PALM2AKAP2: variants seen among roughly 807,000 people sequenced by gnomAD.
PALM2AKAP2 encodes PALM2-AKAP2 fusion protein.
PALM2AKAP2 carries 37 observed loss-of-function variants against 71.5 expected under a neutral mutation model. The ratio of observed to expected loss-of-function variants is 0.52; its 90% confidence interval spans 0.40 to 0.68. The LOEUF is 0.68. Ranked by LOEUF, PALM2AKAP2 falls within the 30% of genes least tolerant of loss-of-function variation. PALM2AKAP2 has a pLI of 0.00. For synonymous variants in PALM2AKAP2, 468 were observed against 478.8 expected (o/e 0.98, Z 0.29); for missense variants, 1,224 against 1,191.8 (o/e 1.03, Z -0.40).
chr9:110,084,933 G>C (rs774845115), intron 1 of PALM2AKAP2, among the ~76,000 whole-genome samples: 2 of 152,042 alleles, frequency 1.3e-5, no homozygotes, highest in South Asian at 4.2e-4. Context: ...GTAGAGATGG[G>C]ATTTCACTGT....
chr9:109,906,033 C>A (rs1564204006), intron 3 of PALM2AKAP2, among the ~76,000 whole-genome samples: 1 of 147,360 alleles, frequency 6.8e-6, no homozygotes, highest in African/African-American at 2.5e-5. Flanking sequence ...GCATTTCCTT[C>A]TTTTCCTCAA....
chr9:109,770,211 A>AC (rs35037796), intron 1 of PALM2AKAP2, among the ~76,000 whole-genome samples: 46,613 of 151,858 alleles, frequency 0.31, 8,990 homozygotes, highest in African/African-American at 0.53. Context: ...TTGAAGATAA[A>AC]CCACTTTCTC....
chr9:110,033,093 T>C (rs1833316927), intron 7 of PALM2AKAP2, among the ~76,000 whole-genome samples: 1 of 152,212 alleles, frequency 6.6e-6, no homozygotes, highest in South Asian at 2.1e-4. Flanking sequence ...TAGACAAACA[T>C]TCATCCACTA....
At chr9:110,102,220 T>C (rs1835015926) in intron 1 of PALM2AKAP2, among the ~76,000 whole-genome samples, 1 of 152,202 alleles carries the variant, frequency 6.6e-6, no homozygotes, top group Non-Finnish European at 1.5e-5. Context: ...TCAGCCTCCA[T>C]TGCTAATCTG....
intron 1 of PALM2AKAP2, among the ~76,000 whole-genome samples, chr9:109,665,952 C>T (rs191160582): frequency 1.6e-4 from 24 of 152,346 alleles, no homozygotes; most frequent in African/African-American, 5.1e-4. Context: ...CAGACTGCTG[C>T]GCTAGCAGTG....
intron 3 of PALM2AKAP2, among the ~76,000 whole-genome samples, chr9:109,902,614 C>G (rs1294136572): frequency 6.6e-6 from 1 of 152,226 alleles, no homozygotes; most frequent in African/African-American, 2.4e-5. Flanking sequence ...CTGTTGAATT[C>G]AATGCGTTGA....
chr9:109,731,978 G>A (rs1828562713), intron 1 of PALM2AKAP2, among the ~76,000 whole-genome samples: 2 of 152,114 alleles, frequency 1.3e-5, no homozygotes, highest in Admixed American at 1.3e-4. Flanking sequence ...ATAACGTCCT[G>A]GCCAGATTTC....
intron 6 of PALM2AKAP2, among the ~76,000 whole-genome samples, chr9:109,938,479 G>A (rs1831282614): frequency 6.6e-6 from 1 of 151,996 alleles, no homozygotes; most frequent in Non-Finnish European, 1.5e-5. Flanking sequence ...TATGCATTTT[G>A]TGACATAACA....
intron 1 of PALM2AKAP2, among the ~76,000 whole-genome samples, chr9:109,699,685 T>G (rs555049588): frequency 1.3e-5 from 2 of 152,316 alleles, no homozygotes; most frequent in South Asian, 4.1e-4. Context: ...AGATTGATTA[T>G]TCAGAGGTGA....
intron 2 of PALM2AKAP2, among the ~76,000 whole-genome samples, chr9:110,149,503 G>A (rs572931232): frequency 2.0e-5 from 3 of 152,182 alleles, no homozygotes; most frequent in Admixed American, 6.5e-5. Flanking sequence ...AATGTAAAAA[G>A]AATCAAAAGT....
intron 3 of PALM2AKAP2, among the ~76,000 whole-genome samples, chr9:110,157,390 T>TTTGTTG (rs56310157): frequency 0.041 from 6,126 of 149,768 alleles, 361 homozygotes; most frequent in African/African-American, 0.13. Context: ...CTTCAACTCT[T>TTTGTTG]TTGTTGTTGT....
At chr9:110,012,817 TAGC>T (rs1189488725) in intron 6 of PALM2AKAP2, among the ~76,000 whole-genome samples, 2 of 152,162 alleles carry the variant, frequency 1.3e-5, no homozygotes, top group African/African-American at 4.8e-5. Flanking sequence ...GATTGTATAA[TAGC>T]AGAGAAAAAA....
intron 1 of PALM2AKAP2, among the ~76,000 whole-genome samples, chr9:109,825,806 C>T (rs1392361440): frequency 6.6e-6 from 1 of 152,122 alleles, no homozygotes; most frequent in African/African-American, 2.4e-5. Flanking sequence ...GACAGTGTGG[C>T]GATTCCTCAG....
At chr9:109,859,714 G>T (rs1336836585) in intron 1 of PALM2AKAP2, among the ~76,000 whole-genome samples, 1 of 152,202 alleles carries the variant, frequency 6.6e-6, no homozygotes, top group Non-Finnish European at 1.5e-5. Flanking sequence ...AAGGGATGAG[G>T]AATAAATAGA....
intron 1 of PALM2AKAP2, among the ~76,000 whole-genome samples, chr9:109,804,273 G>T (rs1332998560): frequency 2.0e-5 from 3 of 152,090 alleles, no homozygotes; most frequent in Non-Finnish European, 4.4e-5. Context: ...AGTCAGCATG[G>T]CATCTTGGTG....
At chr9:110,029,713 G>A (rs560140411) in intron 7 of PALM2AKAP2, among the ~76,000 whole-genome samples, 5 of 152,282 alleles carry the variant, frequency 3.3e-5, no homozygotes, top group Admixed American at 6.5e-5. Flanking sequence ...ACCAAGCCAC[G>A]CAAACCAAAC....
intron 1 of PALM2AKAP2, among the ~76,000 whole-genome samples, chr9:109,841,062 G>A (rs1331905542): frequency 6.6e-6 from 1 of 152,184 alleles, no homozygotes; most frequent in African/African-American, 2.4e-5. Flanking sequence ...AAAGACACAT[G>A]CACAGGTATG....
intron 1 of PALM2AKAP2, among the ~76,000 whole-genome samples, chr9:110,126,420 C>T (rs1401327555): frequency 2.0e-5 from 3 of 152,180 alleles, no homozygotes; most frequent in Non-Finnish European, 4.4e-5. Context: ...TTAGCAGAAT[C>T]GGTTACCCTA....
At chr9:110,155,731 A>G (rs1322827576) in intron 2 of PALM2AKAP2, among the ~76,000 whole-genome samples, 1 of 152,218 alleles carries the variant, frequency 6.6e-6, no homozygotes, top group Non-Finnish European at 1.5e-5. Flanking sequence ...AGACCGGGGC[A>G]AACTGAGAAG....
Sources: gnomAD v4.1 joint callset for allele counts (sites outside exome capture counted in the v4.1 genomes callset) on GRCh38, gnomAD v4.1.1 for gene constraint, MANE v1.5 for transcripts, NCBI Gene and HGNC (gene_info 2026-07-23, HGNC 2026-07-21) for gene names.